IL1RAPL2: variants seen among roughly 807,000 people sequenced by gnomAD.
IL1RAPL2 encodes the protein X-linked interleukin-1 receptor accessory protein-like 2.
Under a neutral mutation model 44.1 loss-of-function variants are expected in IL1RAPL2, and 3 were observed. The ratio of observed to expected loss-of-function variants is 0.07; its 90% CI spans 0.03 to 0.18. The LOEUF is 0.18. IL1RAPL2 is among the 10% of genes least tolerant of loss of function. The pLI, the probability that IL1RAPL2 is intolerant of heterozygous loss-of-function variation, is 1.00. For synonymous variants in IL1RAPL2, 181 were observed against 178.8 expected (o/e 1.01, Z -0.10); for missense variants, 391 against 496.4 (o/e 0.79, Z 2.02).
intron 2 of IL1RAPL2, among the ~76,000 whole-genome samples, chrX:105,066,217 A>G (rs764992934): frequency 3.6e-5 from 4 of 111,003 alleles, no homozygotes; most frequent in South Asian, 3.9e-4. Context: ...CAGGGAGACA[A>G]TTGCCTTTGT....
intron 2 of IL1RAPL2, among the ~76,000 whole-genome samples, chrX:104,876,186 C>T (rs1455333005): frequency 1.8e-5 from 2 of 111,479 alleles, no homozygotes; most frequent in Admixed American, 9.6e-5. Flanking sequence ...AGAAGTTGCT[C>T]TTCTGGATAC....
At chrX:104,974,820 G>A (rs1447557647) in intron 2 of IL1RAPL2, among the ~76,000 whole-genome samples, 1 of 112,254 alleles carries the variant, frequency 8.9e-6, no homozygotes, top group Non-Finnish European at 1.9e-5. Flanking sequence ...GCTAGCAGAA[G>A]AAGGTTAGCT....
At chrX:104,956,989 G>C (rs1340680540) in intron 2 of IL1RAPL2, among the ~76,000 whole-genome samples, 4 of 112,212 alleles carry the variant, frequency 3.6e-5, no homozygotes, top group African/African-American at 1.3e-4. Context: ...GAGAATATCA[G>C]TTAATAGGGG....
chrX:104,902,276 AATT>A (rs1923842018), intron 2 of IL1RAPL2, among the ~76,000 whole-genome samples: 4 of 112,107 alleles, frequency 3.6e-5, no homozygotes, highest in Non-Finnish European at 7.5e-5. Flanking sequence ...GGTGAAAGCT[AATT>A]CTTACCAAGT....
intron 5 of IL1RAPL2, among the ~76,000 whole-genome samples, chrX:105,370,130 G>A (rs1027109337): frequency 7.2e-5 from 8 of 111,583 alleles, no homozygotes; most frequent in African/African-American, 2.6e-4. Flanking sequence ...TTACACCTTG[G>A]CCCATTCATT....
At chrX:105,049,298 C>A (rs147525140) in intron 2 of IL1RAPL2, among the ~76,000 whole-genome samples, 1 of 110,820 alleles carries the variant, frequency 9.0e-6, no homozygotes, top group Non-Finnish European at 1.9e-5. Context: ...TCTTAGCTGG[C>A]ACTATGACAA....
At chrX:105,283,600 T>C (rs1341783611) in intron 5 of IL1RAPL2, among the ~76,000 whole-genome samples, 4 of 111,382 alleles carry the variant, frequency 3.6e-5, no homozygotes, top group African/African-American at 1.3e-4. Flanking sequence ...ACAGTAGTGC[T>C]ATTTCCTGAA....
intron 5 of IL1RAPL2, among the ~76,000 whole-genome samples, chrX:105,341,179 A>T (rs1237975841): frequency 9.0e-6 from 1 of 111,477 alleles, no homozygotes; most frequent in Non-Finnish European, 1.9e-5. Context: ...CTTGACAGAA[A>T]TTGTAAGTGC....
chrX:105,217,933 T>C lies in IL1RAPL2; in HGVS notation c.357-15885T>C, dbSNP rs2033881231. The stretch of plus-strand genomic sequence containing the variant: ...ACATAGGGAGGAGGACATCACACAC[T>C]GGGGCCTGTCAGGGGATGGGGTGTG... On this transcript the variant is annotated intron_variant, in intron 3 of 10. Transcript: ENST00000372582. Among the ~76,000 whole-genome samples the C allele has an allele frequency of 2.7e-5, 3 of 110,912 alleles. No homozygotes were observed. The South Asian group carries it at 1.2e-3, about 43-fold the overall frequency.
chrX:105,029,401 CT>C (rs1176814294), intron 2 of IL1RAPL2, among the ~76,000 whole-genome samples: 2 of 62,814 alleles, frequency 3.2e-5, no homozygotes, highest in Admixed American at 2.3e-4. Flanking sequence ...TCCCTCCCCC[CT>C]CCCCCCACCC....
At chrX:104,763,111 T>G (rs1243182912) in intron 2 of IL1RAPL2, among the ~76,000 whole-genome samples, 7 of 112,284 alleles carry the variant, frequency 6.2e-5, no homozygotes, top group Non-Finnish European at 1.9e-5. Context: ...TGAATGCTTT[T>G]CTGCTTAGAG....
Position 105,310,603 on chromosome X carries a change from A to C in IL1RAPL2, c.697+43062A>C, listed in dbSNP as rs181404025. 4.5e-3 allele frequency among the ~76,000 whole-genome samples: 502 copies of C among 111,245 alleles called. 4 individuals are homozygous for C. Among genetic ancestry groups the C allele is most frequent in the African/African-American group, 0.015 (474 of 30,744 alleles). On this transcript the variant is annotated intron_variant, in intron 5 of 10. Coordinates refer to ENST00000372582, the MANE Select transcript of IL1RAPL2 (RefSeq NM_017416.2). ...TTAGCATAAACATTTGTATTATACA[A>C]TTTTTTCCAACTCCCTTAGCCACAT... is the stretch of plus-strand genomic sequence containing the variant.
chrX:104,788,305 A>G (rs1378388628), intron 2 of IL1RAPL2, among the ~76,000 whole-genome samples: 1 of 111,751 alleles, frequency 8.9e-6, no homozygotes, highest in Non-Finnish European at 1.9e-5. Flanking sequence ...CAAAGTCCTC[A>G]GCTGCATTTA....
chrX:105,094,991 A>C (rs1157065685), intron 2 of IL1RAPL2, among the ~76,000 whole-genome samples: 2 of 111,614 alleles, frequency 1.8e-5, no homozygotes, highest in African/African-American at 6.5e-5. Context: ...TGCTACTATT[A>C]ATATATATTT....
intron 3 of IL1RAPL2, among the ~76,000 whole-genome samples, chrX:105,200,463 G>A (rs144794312): frequency 9.0e-4 from 101 of 112,215 alleles, no homozygotes; most frequent in African/African-American, 3.1e-3. Flanking sequence ...TATTTTCAAT[G>A]GAGGCATGAA....
At chrX:105,467,596 T>C (rs1288682072) in intron 5 of IL1RAPL2, among the ~76,000 whole-genome samples, 2 of 111,003 alleles carry the variant, frequency 1.8e-5, no homozygotes, top group African/African-American at 3.3e-5. Flanking sequence ...AGGGTTGGTA[T>C]AGTGACTTCA....
intron 5 of IL1RAPL2, among the ~76,000 whole-genome samples, chrX:105,389,613 G>A: frequency 9.0e-6 from 1 of 111,197 alleles, no homozygotes; most frequent in Admixed American, 9.6e-5. Context: ...TCTTTACTGG[G>A]GGTATTTCTG....
At position 105,723,157 on chromosome X, in the gene IL1RAPL2, C is replaced by T. The variant is rs918449173; in HGVS notation, c.902+5661C>T. Among the ~76,000 whole-genome samples the T allele has an allele frequency of 2.7e-5, 3 of 111,675 alleles. No homozygotes were observed. The East Asian group carries it at 8.5e-4, about 32-fold the overall frequency. On this transcript the variant is annotated intron_variant, in intron 7 of 10. Coordinates refer to ENST00000372582, the MANE Select transcript of IL1RAPL2 (RefSeq NM_017416.2). ...CTTAGCAATTTCTTTCACTAAATAT[C>T]CTATTGCACCATTCACACGTTCTAC...
intron 2 of IL1RAPL2, among the ~76,000 whole-genome samples, chrX:104,853,433 A>G (rs1396007937): frequency 4.5e-5 from 5 of 111,119 alleles, no homozygotes; most frequent in Non-Finnish European, 9.4e-5. Flanking sequence ...GAAAAGCATC[A>G]TGGAGGAAAG....
Sources: allele counts gnomAD v4.1 joint callset (sites outside exome capture counted in the v4.1 genomes callset), GRCh38; gene constraint gnomAD v4.1.1; transcripts MANE v1.5; gene names NCBI Gene and HGNC (gene_info 2026-07-23, HGNC 2026-07-21).